CRB3: variants seen among roughly 807,000 people sequenced by gnomAD.
The protein encoded by CRB3 is crumbs cell polarity complex component 3.
CRB3 carries 4 observed loss-of-function variants against 10.4 expected under a neutral mutation model. The ratio of observed to expected loss-of-function variants is 0.39; its 90% CI spans 0.19 to 0.88. CRB3 has a LOEUF of 0.88. CRB3 is among the 40% of genes least tolerant of loss of function. The probability of loss-of-function intolerance (pLI) is 0.39; values close to 1 mark genes in which losing one functional copy is unlikely to be tolerated. For missense variants in CRB3, 154 were observed against 160.2 expected, an observed-to-expected ratio of 0.96 and a Z score of 0.21; for synonymous variants, 74 against 73.4, an observed-to-expected ratio of 1.01 and a Z score of -0.04.
chr19:6,464,752 G>C lies in CRB3; in HGVS notation c.51G>C (p.Leu17=). The C allele has an allele frequency of 7.9e-7, 1 of 1,267,384 alleles. No individual in the cohort carries two copies. The highest frequency in any genetic ancestry group is 2.9e-5 in the East Asian group (1 of 34,352). The allele number at this position is 1,267,384 out of a possible 1,614,324, so 78.5% of individuals were successfully genotyped here. A position where few individuals can be genotyped will look rare whatever the true frequency, so the allele number is the denominator to read the frequency against. The change falls in exon 2 of 4, where the codon CTG becomes CTC. Residue 17 remains leucine (L), a synonymous_variant. Coordinates refer to ENST00000600229, the MANE Select transcript of CRB3 (RefSeq NM_139161.5). This position sits in a 1 kb window ranked among gnomAD's most constrained non-coding sequence, Gnocchi z 5.3. ...TTCTGGCGCTGGGCCTGCCGTTCCT[G>C]CTGGCCCGCTGGGGCCGAGCCTGGG... ...GLLLALGLPF[L]LARWGRAWGQ...
intron 2 of CRB3, chr19:6,465,194 G>A: frequency 3.1e-6 from 1 of 327,012 alleles, no homozygotes; most frequent in Non-Finnish European, 5.6e-6. Flanking sequence ...TTCAGTCTTA[G>A]ATTTGTTTTG....
At chr19:6,465,044 C>T in intron 2 of CRB3, 1 of 361,614 alleles carries the variant, frequency 2.8e-6, no homozygotes, top group Non-Finnish European at 4.9e-6. Context: ...AGTGGGGGCT[C>T]CTAAGTAGGA....
Position 6,466,393 on chromosome 19 carries a change from G to A in CRB3, c.157-73G>A. ...TGTGTTGTGGGGTAGGGGGTGATGAGGGGGATGCCATTCAGGTGGAGGTGG... is the reference window on the plus strand; with the variant it reads ...TGTGTTGTGGGGTAGGGGGTGATGAAGGGGATGCCATTCAGGTGGAGGTGG... On this transcript the variant is annotated intron_variant, in intron 3 of 3. Coordinates refer to ENST00000600229, the MANE Select transcript of CRB3 (RefSeq NM_139161.5). This position sits in a 1 kb window ranked among gnomAD's most constrained non-coding sequence, Gnocchi z 4.9. 8.0e-7 allele frequency: 1 copy of A among 1,247,000 alleles called. No individual in the cohort carries two copies. The highest frequency in any genetic ancestry group is 1.2e-6 in the Non-Finnish European group (1 of 856,396). 77.2% of individuals were successfully genotyped at this position (1,247,000 alleles called of 1,614,324 possible).
rs769620076 is a variant in CRB3, at chr19:6,464,723, C to A, written c.22C>A (p.Leu8Met). MANPGLG[L>M]LLALGLPFLL... ...GCCCATGGCGAACCCCGGGCTGGGG[C>A]TGCTTCTGGCGCTGGGCCTGCCGTT... is the stretch of plus-strand genomic sequence containing the variant. Residue 8 changes from leucine (L) to methionine (M), a missense_variant, in exon 2 of 4, where the codon CTG becomes ATG. Transcript: ENST00000600229. The surrounding 1 kb of genome is among the most constrained non-coding windows in gnomAD (Gnocchi z 5.3). The A allele has an allele frequency of 8.0e-7, 1 of 1,246,714 alleles. No homozygotes were observed. The highest frequency in any genetic ancestry group is 1.0e-6 in the Non-Finnish European group (1 of 994,772). The allele number at this position is 1,246,714 out of a possible 1,614,324, so 77.2% of individuals were successfully genotyped here.
In CRB3 at chr19:6,467,035, G is replaced by A. The variant is rs1409933146; in HGVS notation, c.*363G>A. On this transcript the variant is annotated 3_prime_UTR_variant, in exon 4 of 4. Coordinates refer to ENST00000600229, the MANE Select transcript of CRB3 (RefSeq NM_139161.5). ...CCTGCCCATCTAGGTCCCCTCTCCT[G>A]CATCTGTCTCCCTTCATTGCTGTGT... 1.2e-6 allele frequency: 2 copies of A among 1,611,440 alleles called. No homozygotes were observed. Among genetic ancestry groups the A allele is most frequent in the Admixed American group, 1.7e-5 (1 of 59,922 alleles).
In CRB3 at chr19:6,466,076, T is replaced by C. The variant is rs2145161748; in HGVS notation, c.157-390T>C. 6.6e-6 allele frequency among the ~76,000 whole-genome samples: 1 copy of C among 152,172 alleles called. No homozygotes were observed. The highest frequency in any genetic ancestry group is 1.9e-4 in the East Asian group (1 of 5,184). On this transcript the variant is annotated intron_variant, in intron 3 of 3. Transcript: ENST00000600229. The surrounding 1 kb of genome is among the most constrained non-coding windows in gnomAD (Gnocchi z 4.9). ...TTAGCCAGGCGGGGTGGCACACACCTGTAATCCCAGCTACTTGGGAGGCTG... is the reference window on the plus strand; with the variant it reads ...TTAGCCAGGCGGGGTGGCACACACCCGTAATCCCAGCTACTTGGGAGGCTG...
chr19:6,465,396 A>T, intron 2 of CRB3, 149 bp from the exon 3 acceptor site: 1 of 739,546 alleles, frequency 1.4e-6, no homozygotes, highest in Admixed American at 1.8e-5. Context: ...CCTGCAAGAC[A>T]CCCAACCATC....
rs772417811 is a variant in CRB3, at chr19:6,464,540, C to T, written c.-94-68C>T. 2 of 407,518 alleles carry T rather than the reference C, an allele frequency of 4.9e-6. No individual in the cohort carries two copies. Among genetic ancestry groups the T allele is most frequent in the Non-Finnish European group, 8.5e-6 (2 of 235,498 alleles). The allele number at this position is 407,518 out of a possible 1,614,324, so 25.2% of individuals were successfully genotyped here. ...GGGTGCCCTGGCGCCAGTTGTCTCT[C>T]CTGTGGGCCTGCGCCGGGGTCCCCA... On this transcript the variant is annotated intron_variant, in intron 1 of 3. Coordinates refer to ENST00000600229, the MANE Select transcript of CRB3 (RefSeq NM_139161.5). The surrounding 1 kb of genome is among the most constrained non-coding windows in gnomAD (Gnocchi z 5.3).
In CRB3 at chr19:6,466,397, G is replaced by T; in HGVS notation, c.157-69G>T. 7.8e-7 allele frequency: 1 copy of T among 1,275,676 alleles called. No homozygotes were observed. Among genetic ancestry groups the T allele is most frequent in the Non-Finnish European group, 1.1e-6 (1 of 881,164 alleles). The allele number at this position is 1,275,676 out of a possible 1,614,324, so 79.0% of individuals were successfully genotyped here. ...TTGTGGGGTAGGGGGTGATGAGGGG[G>T]ATGCCATTCAGGTGGAGGTGGACAG... On this transcript the variant is annotated intron_variant, in intron 3 of 3. Coordinates refer to ENST00000600229, the MANE Select transcript of CRB3 (RefSeq NM_139161.5). This position sits in a 1 kb window ranked among gnomAD's most constrained non-coding sequence, Gnocchi z 4.9.
chr19:6,466,355 G>C lies in CRB3; in HGVS notation c.157-111G>C. 1 of 888,104 alleles carries C rather than the reference G, an allele frequency of 1.1e-6. No homozygotes were observed. The highest frequency in any genetic ancestry group is 1.8e-6 in the Non-Finnish European group (1 of 547,842). 55.0% of individuals were successfully genotyped at this position (888,104 alleles called of 1,614,324 possible). A position where few individuals can be genotyped will look rare whatever the true frequency, so the allele number is the denominator to read the frequency against. On this transcript the variant is annotated intron_variant, in intron 3 of 3. Coordinates refer to ENST00000600229, the MANE Select transcript of CRB3 (RefSeq NM_139161.5). This position sits in a 1 kb window ranked among gnomAD's most constrained non-coding sequence, Gnocchi z 4.9. ...AGATCACCAAAAGTGGCAGATGTGT[G>C]TATGTGTGTGTGTGTGTTGTGGGGT...
Position 6,465,611 on chromosome 19 carries a change from G to A in CRB3, c.149G>A (p.Gly50Asp). The part of the protein sequence containing the change: ...LPSSTSSSSD[G>D]NLRPEAITAI... ...TCATCCACCAGCTCCAGCTCCGATGGCAACCTGGTGAGTTGGAGGTATATG... is the reference window on the plus strand; with the variant it reads ...TCATCCACCAGCTCCAGCTCCGATGACAACCTGGTGAGTTGGAGGTATATG... The change falls in exon 3 of 4, where the codon GGC (glycine) becomes GAC (aspartate). Residue 50 changes from glycine (G) to aspartate (D), a missense_variant. Transcript: ENST00000600229. The A allele has an allele frequency of 6.2e-7, 1 of 1,613,200 alleles. No homozygotes were observed. Among genetic ancestry groups the A allele is most frequent in the Non-Finnish European group, 8.5e-7 (1 of 1,179,156 alleles).
At position 6,466,614 on chromosome 19, in the gene CRB3, G is replaced by A. The variant is rs1683775088; in HGVS notation, c.305G>A (p.Gly102Asp). 1 of 1,605,164 alleles carries A rather than the reference G, an allele frequency of 6.2e-7. No individual in the cohort carries two copies. Among genetic ancestry groups the A allele is most frequent in the African/African-American group, 1.3e-5 (1 of 75,006 alleles). ...TYRPSSEEQV[G>D]ARVPPTPNLK... ...CGGCCCAGTAGCGAGGAGCAGGTGG[G>A]TGCCCGCGTGCCACCGACCCCCAAC... The change falls in exon 4 of 4, where the codon GGT becomes GAT. Residue 102 changes from glycine to aspartate, a missense_variant. By Grantham distance (94) the Gly-to-Asp change is moderately conservative. Coordinates refer to ENST00000600229, the MANE Select transcript of CRB3 (RefSeq NM_139161.5). The surrounding 1 kb of genome is among the most constrained non-coding windows in gnomAD (Gnocchi z 4.9).
In CRB3 at chr19:6,464,794, G is replaced by A. The variant is rs775926490; in HGVS notation, c.82+11G>A. 4 of 1,254,784 alleles carry A rather than the reference G, an allele frequency of 3.2e-6. No homozygotes were observed. The East Asian group carries it at 8.8e-5, about 28-fold the overall frequency. The allele number at this position is 1,254,784 out of a possible 1,614,324, so 77.7% of individuals were successfully genotyped here. A position where few individuals can be genotyped will look rare whatever the true frequency, so the allele number is the denominator to read the frequency against. Reference sequence around the variant, plus strand: ...GAGCCTGGGGGCAAAGTAGGTACCAGCTGAGAGCGCTGGGGGGGAGGGGTC... The same window carrying A: ...GAGCCTGGGGGCAAAGTAGGTACCAACTGAGAGCGCTGGGGGGGAGGGGTC... On this transcript the variant is annotated intron_variant, in intron 2 of 3. Coordinates refer to ENST00000600229, the MANE Select transcript of CRB3 (RefSeq NM_139161.5). This position sits in a 1 kb window ranked among gnomAD's most constrained non-coding sequence, Gnocchi z 5.3.
rs754205824 is a variant in CRB3, at chr19:6,464,808, G to T, written c.82+25G>T. On this transcript the variant is annotated intron_variant, in intron 2 of 3. Coordinates refer to ENST00000600229, the MANE Select transcript of CRB3 (RefSeq NM_139161.5). The surrounding 1 kb of genome is among the most constrained non-coding windows in gnomAD (Gnocchi z 5.3). ...AGTAGGTACCAGCTGAGAGCGCTGG[G>T]GGGGAGGGGTCTGGATTCCTGGATC... is the stretch of plus-strand genomic sequence containing the variant. 52 of 1,229,690 alleles carry T rather than the reference G, an allele frequency of 4.2e-5. No individual in the cohort carries two copies. The highest frequency in any genetic ancestry group is 1.5e-4 in the African/African-American group (10 of 64,968). The allele number at this position is 1,229,690 out of a possible 1,614,324, so 76.2% of individuals were successfully genotyped here.
At position 6,466,357 on chromosome 19, in the gene CRB3, ATGTG is replaced by A; in HGVS notation, c.157-97_157-94del. 12 of 824,484 alleles carry A rather than the reference ATGTG, an allele frequency of 1.5e-5. No individual in the cohort carries two copies. Among genetic ancestry groups the A allele is most frequent in the East Asian group, 5.1e-5 (2 of 39,168 alleles). 51.1% of individuals were successfully genotyped at this position (824,484 alleles called of 1,614,324 possible). On this transcript the variant is annotated intron_variant, in intron 3 of 3. Coordinates refer to ENST00000600229, the MANE Select transcript of CRB3 (RefSeq NM_139161.5). The surrounding 1 kb of genome is among the most constrained non-coding windows in gnomAD (Gnocchi z 4.9). The stretch of plus-strand genomic sequence containing the variant: ...ATCACCAAAAGTGGCAGATGTGTGT[ATGTG>A]TGTGTGTGTGTTGTGGGGTAGGGGG...
rs2092797382 is a variant in CRB3, at chr19:6,466,851, AGCTCAGGGT to A, written c.*183_*191del. 1 of 1,563,120 alleles carries A rather than the reference AGCTCAGGGT, an allele frequency of 6.4e-7. No individual in the cohort carries two copies. The highest frequency in any genetic ancestry group is 1.4e-5 in the African/African-American group (1 of 73,496). ...GTTGCCTCTGCTTGGCTGTGCCTGC[AGCTCAGGGT>A]GCTGGGGCTCGGGACCCACCCCCCT... On this transcript the variant is annotated 3_prime_UTR_variant, in exon 4 of 4. Coordinates refer to ENST00000600229, the MANE Select transcript of CRB3 (RefSeq NM_139161.5). This position sits in a 1 kb window ranked among gnomAD's most constrained non-coding sequence, Gnocchi z 4.9.
In CRB3 at chr19:6,464,925, G is replaced by T. The variant is rs348359; in HGVS notation, c.82+142G>T. The T allele has an allele frequency of 0.11, 48,950 of 434,570 alleles. 4,155 individuals carry two copies. Among genetic ancestry groups the T allele is most frequent in the African/African-American group, 0.33 (16,065 of 49,166 alleles). 26.9% of individuals were successfully genotyped at this position (434,570 alleles called of 1,614,324 possible). A position where few individuals can be genotyped will look rare whatever the true frequency, so the allele number is the denominator to read the frequency against. On this transcript the variant is annotated intron_variant, in intron 2 of 3. Transcript: ENST00000600229. This position sits in a 1 kb window ranked among gnomAD's most constrained non-coding sequence, Gnocchi z 5.3. The stretch of plus-strand genomic sequence containing the variant: ...CGGGGAAGAAATACCTTGGGGAGGG[G>T]TCTACAGGGTTAGGGCTCGGGGGGA...
rs747160974 is a variant in CRB3, at chr19:6,464,633, C to T, written c.-69C>T. The T allele has an allele frequency of 3.0e-6, 3 of 999,206 alleles. No individual in the cohort carries two copies. The highest frequency in any genetic ancestry group is 3.9e-6 in the Non-Finnish European group (3 of 775,778). 61.9% of individuals were successfully genotyped at this position (999,206 alleles called of 1,614,324 possible). A position where few individuals can be genotyped will look rare whatever the true frequency, so the allele number is the denominator to read the frequency against. ...GTGCCCCGTCGCAGGTGCCCCTGGC[C>T]GGAGATGCGGTAGGAGGGGCGAGCG... On this transcript the variant is annotated 5_prime_UTR_variant, in exon 2 of 4. Coordinates refer to ENST00000600229, the MANE Select transcript of CRB3 (RefSeq NM_139161.5). This position sits in a 1 kb window ranked among gnomAD's most constrained non-coding sequence, Gnocchi z 5.3.
Position 6,466,122 on chromosome 19 carries a change from G to A in CRB3, c.157-344G>A, listed in dbSNP as rs151061741. ...GGCTGAGGCAGGGGGAATTGCTTGA[G>A]CCCAGAAGGCGGAGGTTGCAGTGAG... On this transcript the variant is annotated intron_variant, in intron 3 of 3. Coordinates refer to ENST00000600229, the MANE Select transcript of CRB3 (RefSeq NM_139161.5). The surrounding 1 kb of genome is among the most constrained non-coding windows in gnomAD (Gnocchi z 4.9). Among the ~76,000 whole-genome samples the A allele has an allele frequency of 7.2e-5, 11 of 151,986 alleles. No homozygotes were observed. Among genetic ancestry groups the A allele is most frequent in the African/African-American group, 2.7e-4 (11 of 41,358 alleles).
Sources: allele counts gnomAD v4.1 joint callset (sites outside exome capture counted in the v4.1 genomes callset), GRCh38; gene constraint gnomAD v4.1.1; non-coding constraint Gnocchi (gnomAD v3.1); transcripts MANE v1.5; gene names NCBI Gene and HGNC (gene_info 2026-07-23, HGNC 2026-07-21).